Variants in CPEB1 observed in about 807,000 individuals in gnomAD.
The protein encoded by CPEB1 is cytoplasmic polyadenylation element-binding protein 1.
CPEB1 carries 7 observed loss-of-function variants against 65.8 expected under a neutral mutation model. The observed-to-expected ratio is 0.11, with a 90% CI of 0.06 to 0.20. The LOEUF (loss-of-function observed/expected upper bound fraction) is 0.20, where lower values mean the gene tolerates loss of function less well. Ranked by LOEUF, CPEB1 falls within the 10% of genes least tolerant of loss-of-function variation. CPEB1 has a pLI of 1.00. For missense variants in CPEB1, 551 were observed against 712.2 expected, an observed-to-expected ratio of 0.77 and a Z score of 2.58; for synonymous variants, 262 against 260.0, an observed-to-expected ratio of 1.01 and a Z score of -0.08.
At chr15:82,561,622 G>C (rs2038224159) in intron 4 of CPEB1, among the ~76,000 whole-genome samples, 1 of 152,112 alleles carries the variant, frequency 6.6e-6, no homozygotes, top group Non-Finnish European at 1.5e-5. Context: ...AAGCAACATG[G>C]TAAGCACTAC....
At chr15:82,562,770 G>C (rs181954064) in intron 4 of CPEB1, among the ~76,000 whole-genome samples, 326 of 152,140 alleles carry the variant, frequency 2.1e-3, no homozygotes, top group Admixed American at 4.5e-3. Context: ...AAGAGGTTGA[G>C]GCTGCAGTGG....
intron 3 of CPEB1, among the ~76,000 whole-genome samples, chr15:82,618,681 A>C (rs1202118365): frequency 2.6e-5 from 4 of 152,216 alleles, no homozygotes; most frequent in Admixed American, 6.5e-5. Context: ...GCAGCAAACA[A>C]ACAGAAAATG....
intron 3 of CPEB1, among the ~76,000 whole-genome samples, chr15:82,583,895 G>A (rs771000129): frequency 3.9e-5 from 6 of 152,182 alleles, no homozygotes; most frequent in Non-Finnish European, 8.8e-5. Context: ...AATATGAATT[G>A]TCTGATCATC....
intron 5 of CPEB1, chr15:82,556,489 T>C (rs1370657495): frequency 1.1e-5 from 2 of 176,054 alleles, no homozygotes; most frequent in Non-Finnish European, 2.3e-5. Context: ...ATTTTGTGTT[T>C]TCTTTGGTCA....
At chr15:82,556,826 C>G (rs1014233366) in intron 5 of CPEB1, among the ~76,000 whole-genome samples, 2 of 152,150 alleles carry the variant, frequency 1.3e-5, no homozygotes, top group Non-Finnish European at 2.9e-5. Context: ...AGAAATGCAG[C>G]CTTAACAGAT....
At chr15:82,557,396 TA>T (rs2037403633) in intron 5 of CPEB1, 1 of 215,122 alleles carries the variant, frequency 4.6e-6, no homozygotes, top group African/African-American at 2.3e-5. Flanking sequence ...TCAAAGTACA[TA>T]AATGACACTG....
At chr15:82,646,462 G>A (rs1160885356) in intron 1 of CPEB1, among the ~76,000 whole-genome samples, 1 of 152,128 alleles carries the variant, frequency 6.6e-6, no homozygotes, top group Non-Finnish European at 1.5e-5. Flanking sequence ...GCGGGGCGGG[G>A]GAGGAGAGAC....
intron 1 of CPEB1, chr15:82,638,098 A>G (rs1183001071): frequency 6.0e-6 from 2 of 335,240 alleles, no homozygotes; most frequent in Non-Finnish European, 1.2e-5. Flanking sequence ...TGGTTGAAGT[A>G]TATGAAGAAA....
At chr15:82,564,302 T>C (rs953654506) in intron 4 of CPEB1, among the ~76,000 whole-genome samples, 1 of 152,248 alleles carries the variant, frequency 6.6e-6, no homozygotes, top group African/African-American at 2.4e-5. Context: ...TTGTTTTTTT[T>C]TGAGACGGAG....
upstream of CPEB1, chr15:82,647,935 C>T (rs1567248256): frequency 8.4e-7 from 1 of 1,192,900 alleles, no homozygotes; most frequent in Non-Finnish European, 1.0e-6. Context: ...GAGACGCGCA[C>T]GCACGTGGGC....
chr15:82,557,877 G>C lies in CPEB1; in HGVS notation c.570C>G (p.Pro190=). Residue 190 remains proline (P), a synonymous_variant, in exon 5 of 13, where the codon CCC becomes CCG. Transcript: ENST00000684509. ...TGTCCAGGCGTGATCCTCTAACTGA[G>C]GGTGCTGGAAACTTGTCCACCAAGT... ...GSDLVDKFPA[P]SVRGSRLDTR... is the part of the protein sequence containing the mutation. The C allele has an allele frequency of 6.2e-7, 1 of 1,614,148 alleles. No homozygotes were observed. The highest frequency in any genetic ancestry group is 1.1e-5 in the South Asian group (1 of 91,076).
chr15:82,644,817 G>A (rs2047370869), intron 1 of CPEB1, among the ~76,000 whole-genome samples: 1 of 152,226 alleles, frequency 6.6e-6, no homozygotes, highest in Non-Finnish European at 1.5e-5. Flanking sequence ...TAATGGTTGT[G>A]CTCAGTGAAA....
chr15:82,630,416 G>C (rs2046140094), intron 1 of CPEB1, among the ~76,000 whole-genome samples: 1 of 152,080 alleles, frequency 6.6e-6, no homozygotes, highest in South Asian at 2.1e-4. Flanking sequence ...ACCAGCCTGG[G>C]CAACATGGCG....
In CPEB1 at chr15:82,553,377, G is replaced by A. The variant is rs190633829; in HGVS notation, c.1144+90C>T. On this transcript the variant is annotated intron_variant, in intron 8 of 12. Coordinates refer to ENST00000684509, the MANE Select transcript of CPEB1 (RefSeq NM_001365242.1). The stretch of plus-strand genomic sequence containing the variant: ...CCCACCATGTTACCAACATGCAGCT[G>A]TGACATCCCAGCACCCCTAGGTGCA... 40 of 941,024 alleles carry A rather than the reference G, an allele frequency of 4.3e-5. No homozygotes were observed. The East Asian group carries it at 1.0e-3, about 24-fold the overall frequency. 58.3% of individuals were successfully genotyped at this position (941,024 alleles called of 1,614,324 possible).
At chr15:82,648,150 G>T, upstream of CPEB1, 1 of 346,812 alleles carries the variant, frequency 2.9e-6, no homozygotes, top group Non-Finnish European at 5.2e-6. Flanking sequence ...AACCCGGCGG[G>T]GACTGCCGCC....
At chr15:82,620,335 G>A (rs1472017269) in intron 3 of CPEB1, among the ~76,000 whole-genome samples, 2 of 146,290 alleles carry the variant, frequency 1.4e-5, no homozygotes, top group Non-Finnish European at 3.0e-5. Flanking sequence ...TGAGGGAGAA[G>A]AATCCCTTGA....
intron 1 of CPEB1, among the ~76,000 whole-genome samples, chr15:82,633,745 G>C (rs2046440118): frequency 6.6e-6 from 1 of 152,194 alleles, no homozygotes; most frequent in South Asian, 2.1e-4. Flanking sequence ...CTCCTATCAT[G>C]AAACTGTTTT....
intron 6 of CPEB1, 128 bp downstream of exon 6, chr15:82,555,742 C>A (rs886716188): frequency 7.6e-6 from 7 of 922,758 alleles, no homozygotes; most frequent in African/African-American, 1.7e-5. Flanking sequence ...TAATTCTTTG[C>A]AGATCTGGAG....
At chr15:82,575,537 AAT>A (rs1442873552) in intron 3 of CPEB1, among the ~76,000 whole-genome samples, 7 of 152,230 alleles carry the variant, frequency 4.6e-5, no homozygotes, top group African/African-American at 1.2e-4. Flanking sequence ...CGCAAGCCAC[AAT>A]ATGTGAGAAA....
Sources: gnomAD v4.1 joint callset for allele counts (sites outside exome capture counted in the v4.1 genomes callset) on GRCh38, gnomAD v4.1.1 for gene constraint, MANE v1.5 for transcripts, NCBI Gene and HGNC (gene_info 2026-07-23, HGNC 2026-07-21) for gene names.